The following ABTB2 variants were observed in gnomAD, a reference collection of about 807,000 sequenced individuals.
The protein encoded by ABTB2 is ankyrin repeat and BTB domain containing 2.
A neutral mutation model predicts 104.1 loss-of-function variants in ABTB2; 56 were observed. That is an observed-to-expected ratio of 0.54 (90% CI 0.43 to 0.67). The LOEUF is 0.67. Ranked by LOEUF, ABTB2 falls within the 30% of genes least tolerant of loss-of-function variation. The probability of loss-of-function intolerance (pLI) is 0.00; values close to 1 mark genes in which losing one functional copy is unlikely to be tolerated. For missense variants in ABTB2, 1,279 were observed against 1,407.7 expected (o/e 0.91, Z 1.46); for synonymous variants, 606 against 608.2 (o/e 1.00, Z 0.05).
At chr11:34,261,068 A>C (rs1390904742) in intron 1 of ABTB2, among the ~76,000 whole-genome samples, 1 of 152,138 alleles carries the variant, frequency 6.6e-6, no homozygotes, top group Non-Finnish European at 1.5e-5. Flanking sequence ...GGTTGTAGTG[A>C]GCAGAGATTG....
chr11:34,223,144 G>C (rs1238362858), intron 1 of ABTB2, among the ~76,000 whole-genome samples: 1 of 152,180 alleles, frequency 6.6e-6, no homozygotes, highest in Non-Finnish European at 1.5e-5. Context: ...GACAAGCGGA[G>C]AGTGAGTTTA....
At chr11:34,277,051 G>T (rs1854389977) in intron 1 of ABTB2, among the ~76,000 whole-genome samples, 1 of 152,144 alleles carries the variant, frequency 6.6e-6, no homozygotes, top group South Asian at 2.1e-4. Flanking sequence ...ACAGGGACCT[G>T]CCACCCCACA....
intron 1 of ABTB2, among the ~76,000 whole-genome samples, chr11:34,350,602 T>C (rs189089917): frequency 2.2e-3 from 332 of 152,112 alleles, no homozygotes; most frequent in Non-Finnish European, 4.1e-3. Flanking sequence ...ACAGCAACCT[T>C]TGGAGGAAGA....
At chr11:34,350,547 A>T (rs10768064) in intron 1 of ABTB2, among the ~76,000 whole-genome samples, 1 of 151,954 alleles carries the variant, frequency 6.6e-6, no homozygotes, top group African/African-American at 2.4e-5. Context: ...AATCAGTGGC[A>T]CCTCTAGGGT....
Position 34,154,154 on chromosome 11 carries a change from A to G in ABTB2, c.2880+111T>C. 1.2e-6 allele frequency: 1 copy of G among 811,966 alleles called. No individual in the cohort carries two copies. 50.3% of individuals were successfully genotyped at this position (811,966 alleles called of 1,614,324 possible). On this transcript the variant is annotated intron_variant, in intron 16 of 16. Coordinates refer to ENST00000435224, the MANE Select transcript of ABTB2 (RefSeq NM_145804.3). This position sits in a 1 kb window ranked among gnomAD's most constrained non-coding sequence, Gnocchi z 4.9. The stretch of plus-strand genomic sequence containing the variant: ...CAGCCTCTACACTGCCCTCAGAAGC[A>G]GCCTGGTCACCTGCATCTCCTAGCT...
chr11:34,236,008 G>A (rs1267903869), intron 1 of ABTB2, among the ~76,000 whole-genome samples: 1 of 152,206 alleles, frequency 6.6e-6, no homozygotes, highest in South Asian at 2.1e-4. Flanking sequence ...GCCAGACGGG[G>A]AGAGATGCTG....
At chr11:34,182,993 T>C (rs1221335985) in intron 3 of ABTB2, among the ~76,000 whole-genome samples, 3 of 152,110 alleles carry the variant, frequency 2.0e-5, no homozygotes, top group Non-Finnish European at 2.9e-5. Flanking sequence ...CTTCTGAAGA[T>C]GACATTCCAC....
Position 34,154,615 on chromosome 11 carries a change from G to T in ABTB2, c.2766+86C>A. 7.3e-7 allele frequency: 1 copy of T among 1,367,824 alleles called. No individual in the cohort carries two copies. Among genetic ancestry groups the T allele is most frequent in the Non-Finnish European group, 1.0e-6 (1 of 966,520 alleles). 84.7% of individuals were successfully genotyped at this position (1,367,824 alleles called of 1,614,324 possible). A position where few individuals can be genotyped will look rare whatever the true frequency, so the allele number is the denominator to read the frequency against. Reference sequence around the variant, plus strand: ...TCTTCCTGTCAGATGGAGAGGAAGAGCCACCTTCCCTCTGAAGGGGGTGAA... The same window carrying T: ...TCTTCCTGTCAGATGGAGAGGAAGATCCACCTTCCCTCTGAAGGGGGTGAA... On this transcript the variant is annotated intron_variant, in intron 15 of 16. Transcript: ENST00000435224. This position sits in a 1 kb window ranked among gnomAD's most constrained non-coding sequence, Gnocchi z 4.9.
At chr11:34,272,284 TAG>T (rs1400928203) in intron 1 of ABTB2, among the ~76,000 whole-genome samples, 1 of 127,706 alleles carries the variant, frequency 7.8e-6, no homozygotes, top group African/African-American at 3.2e-5. Flanking sequence ...GAAATAATTA[TAG>T]AGTCACAGGA....
chr11:34,175,119 T>C (rs1458544329), intron 3 of ABTB2, among the ~76,000 whole-genome samples: 1 of 152,114 alleles, frequency 6.6e-6, no homozygotes, highest in Admixed American at 6.5e-5. Flanking sequence ...CTCCAGGGAG[T>C]CAGCCTGGGC....
At chr11:34,291,186 G>T (rs1364380279) in intron 1 of ABTB2, among the ~76,000 whole-genome samples, 1 of 152,242 alleles carries the variant, frequency 6.6e-6, no homozygotes, top group Admixed American at 6.5e-5. Flanking sequence ...ATTCATAACA[G>T]CCTGATAACT....
chr11:34,226,082 G>A (rs1466425297), intron 1 of ABTB2, among the ~76,000 whole-genome samples: 1 of 151,330 alleles, frequency 6.6e-6, no homozygotes, highest in East Asian at 2.0e-4. Flanking sequence ...TGCGCCTGTA[G>A]TCCCAGATAC....
intron 1 of ABTB2, among the ~76,000 whole-genome samples, chr11:34,221,275 T>G (rs1389883372): frequency 6.6e-6 from 1 of 152,178 alleles, no homozygotes; most frequent in Non-Finnish European, 1.5e-5. Context: ...CTGGCCCATC[T>G]CTTCTTCTGA....
chr11:34,210,447 C>CGTGT (rs1330225905), intron 1 of ABTB2, among the ~76,000 whole-genome samples: 1 of 152,188 alleles, frequency 6.6e-6, no homozygotes, highest in African/African-American at 2.4e-5. Flanking sequence ...CCCATATACA[C>CGTGT]ACACACAACT....
intron 1 of ABTB2, among the ~76,000 whole-genome samples, chr11:34,345,764 T>C (rs1339854253): frequency 1.3e-5 from 2 of 152,302 alleles, no homozygotes; most frequent in Non-Finnish European, 2.9e-5. Flanking sequence ...GCAAGCAACT[T>C]GCTTCCAAAT....
chr11:34,207,007 C>T lies in ABTB2; in HGVS notation c.884-2317G>A, dbSNP rs2926460. 5.3e-5 allele frequency among the ~76,000 whole-genome samples: 8 copies of T among 152,132 alleles called. No individual in the cohort carries two copies. In the South Asian group the frequency reaches 1.0e-3, roughly 20 times the overall value. On this transcript the variant is annotated intron_variant, in intron 1 of 16. Transcript: ENST00000435224. ...AAGAGTTCATGATTGGGCTCTCCCCCGCAGCCCCCTGCCAGGGCCCCAGTC... is the reference window on the plus strand; with the variant it reads ...AAGAGTTCATGATTGGGCTCTCCCCTGCAGCCCCCTGCCAGGGCCCCAGTC...
chr11:34,234,322 G>A (rs1290965007), intron 1 of ABTB2, among the ~76,000 whole-genome samples: 2 of 152,192 alleles, frequency 1.3e-5, no homozygotes, highest in East Asian at 1.9e-4. Flanking sequence ...GCCATCTCAA[G>A]CGAGAAATGG....
At chr11:34,196,871 T>C (rs1239105451) in intron 3 of ABTB2, among the ~76,000 whole-genome samples, 1 of 152,240 alleles carries the variant, frequency 6.6e-6, no homozygotes, top group East Asian at 1.9e-4. Flanking sequence ...ACGGCAGCAA[T>C]GATCATTTGA....
At chr11:34,161,334 A>G (rs1287710507) in intron 10 of ABTB2, among the ~76,000 whole-genome samples, 2 of 152,154 alleles carry the variant, frequency 1.3e-5, no homozygotes, top group Admixed American at 6.5e-5. Context: ...TCATGAGATG[A>G]GGTGGAGGAA....
Sources: allele counts gnomAD v4.1 joint callset (sites outside exome capture counted in the v4.1 genomes callset), GRCh38; gene constraint gnomAD v4.1.1; non-coding constraint Gnocchi (gnomAD v3.1); transcripts MANE v1.5; gene names NCBI Gene and HGNC (gene_info 2026-07-23, HGNC 2026-07-21).